The following PDE1C variants were observed in gnomAD, a reference collection of about 807,000 sequenced individuals.
PDE1C encodes dual specificity calcium/calmodulin-dependent 3',5'-cyclic nucleotide phosphodiesterase 1C.
In PDE1C, 62 loss-of-function variants were observed where a neutral mutation model predicts 93.1. That is an observed-to-expected ratio of 0.67 (90% CI 0.54 to 0.82). The LOEUF (loss-of-function observed/expected upper bound fraction) is 0.82, where lower values mean the gene tolerates loss of function less well. PDE1C is among the 40% of genes least tolerant of loss of function. The pLI is 0.00. For synonymous variants in PDE1C, 325 were observed against 310.1 expected (o/e 1.05, Z -0.50); for missense variants, 742 against 884.6 (o/e 0.84, Z 2.04).
chr7:32,389,259 AG>A (rs1185442569), intron 1 of PDE1C, among the ~76,000 whole-genome samples: 1 of 150,758 alleles, frequency 6.6e-6, no homozygotes, highest in Non-Finnish European at 1.5e-5. Context: ...TGTCTCACCC[AG>A]GTTGGAGTAC....
the PDE1C span, chr7:31,643,194 G>C: frequency 3.7e-6 from 6 of 1,613,962 alleles, no homozygotes; most frequent in East Asian, 2.2e-5. Flanking sequence ...CTCAAGACAA[G>C]TTCCTTCATG....
At chr7:32,369,054 A>G (rs553197971) in intron 1 of PDE1C, among the ~76,000 whole-genome samples, 1 of 152,292 alleles carries the variant, frequency 6.6e-6, no homozygotes, top group South Asian at 2.1e-4. Flanking sequence ...AAGAAAACTT[A>G]GGGGGAATGC....
chr7:32,246,053 C>T (rs549543364), intron 1 of PDE1C, among the ~76,000 whole-genome samples: 2 of 149,334 alleles, frequency 1.3e-5, no homozygotes, highest in Admixed American at 6.7e-5. Context: ...ACTGAAGCCT[C>T]GAACTCCTGG....
intron 1 of PDE1C, among the ~76,000 whole-genome samples, chr7:32,218,313 T>C (rs1427743015): frequency 6.6e-6 from 1 of 152,246 alleles, no homozygotes; most frequent in African/African-American, 2.4e-5. Context: ...ATCAGGCACT[T>C]GCACAAAAGA....
intron 1 of PDE1C, among the ~76,000 whole-genome samples, chr7:32,321,290 G>A (rs1001233876): frequency 1.1e-4 from 17 of 152,162 alleles, no homozygotes; most frequent in African/African-American, 3.9e-4. Flanking sequence ...AAAACACAGC[G>A]CAGATGAGTT....
At chr7:31,686,484 TG>T in the PDE1C span, among the ~76,000 whole-genome samples, 1 of 152,236 alleles carries the variant, frequency 6.6e-6, no homozygotes, top group Non-Finnish European at 1.5e-5. Flanking sequence ...CCTATAGAGT[TG>T]GGGGCTGCTT....
In PDE1C at chr7:31,906,008, A is replaced by C. The variant is rs372702732; in HGVS notation, c.129-25148T>G. 1.5e-3 allele frequency among the ~76,000 whole-genome samples: 223 copies of C among 152,196 alleles called. 7 individuals are homozygous for C. The South Asian group carries it at 0.044, about 30-fold the overall frequency. Reference sequence around the variant, plus strand: ...TGCTTCCCCTTCCCCCATGATTGTAAGTTTCCTGGGGCTTCCCCAGCCATG... The same window carrying C: ...TGCTTCCCCTTCCCCCATGATTGTACGTTTCCTGGGGCTTCCCCAGCCATG... On this transcript the variant is annotated intron_variant, in intron 2 of 17. Transcript: ENST00000396191.
At chr7:32,068,963 G>A (rs1023691305) in intron 1 of PDE1C, among the ~76,000 whole-genome samples, 5 of 152,208 alleles carry the variant, frequency 3.3e-5, no homozygotes, top group African/African-American at 1.2e-4. Context: ...ACCACTCCGA[G>A]AGCTGCTGCG....
At chr7:31,859,350 T>C (rs1162962946) in intron 7 of PDE1C, among the ~76,000 whole-genome samples, 4 of 149,380 alleles carry the variant, frequency 2.7e-5, no homozygotes, top group Non-Finnish European at 4.4e-5. Flanking sequence ...AAATAGGACA[T>C]TGGCCATATA....
chr7:32,333,536 A>T (rs1394152877), intron 1 of PDE1C, among the ~76,000 whole-genome samples: 1 of 152,216 alleles, frequency 6.6e-6, no homozygotes, highest in Non-Finnish European at 1.5e-5. Context: ...GCTTAATTAT[A>T]GGAGTCCAAA....
At chr7:32,300,319 A>G (rs1812850510), upstream of PDE1C, among the ~76,000 whole-genome samples, 2 of 152,228 alleles carry the variant, frequency 1.3e-5, no homozygotes, top group African/African-American at 4.8e-5. Flanking sequence ...CCACATTCAC[A>G]TGGTCTGGTT....
chr7:31,694,511 A>G, the PDE1C span, among the ~76,000 whole-genome samples: 3 of 152,182 alleles, frequency 2.0e-5, no homozygotes, highest in South Asian at 6.2e-4. Flanking sequence ...AAATGATAAG[A>G]GTCCATGTTT....
intron 1 of PDE1C, among the ~76,000 whole-genome samples, chr7:32,276,712 G>T (rs1204117878): frequency 1.3e-5 from 2 of 152,114 alleles, no homozygotes; most frequent in Non-Finnish European, 2.9e-5. Flanking sequence ...TATCTCACAG[G>T]GATGTTGTGA....
intron 1 of PDE1C, among the ~76,000 whole-genome samples, chr7:32,060,531 C>G (rs1028379593): frequency 9.9e-5 from 15 of 152,070 alleles, no homozygotes; most frequent in Non-Finnish European, 1.8e-4. Flanking sequence ...AAAATGAGCC[C>G]ATTGTCCAAA....
intron 3 of PDE1C, among the ~76,000 whole-genome samples, chr7:32,152,371 A>G (rs2128791345): frequency 6.6e-6 from 1 of 152,354 alleles, no homozygotes. Context: ...CAGTCCTCAC[A>G]TGAGCAGTGT....
intron 2 of PDE1C, among the ~76,000 whole-genome samples, chr7:32,004,421 C>T (rs1785908081): frequency 6.6e-6 from 1 of 152,304 alleles, no homozygotes; most frequent in Non-Finnish European, 1.5e-5. Flanking sequence ...TACAGGCCAC[C>T]TGGCGTCCAC....
chr7:32,088,812 G>T lies in PDE1C; in HGVS notation c.308+80973C>A, dbSNP rs2128743387. Among the ~76,000 whole-genome samples the T allele has an allele frequency of 1.3e-5, 2 of 152,332 alleles. 1 individual carries two copies. The highest frequency in any genetic ancestry group is 4.1e-4 in the South Asian group (2 of 4,822). On this transcript the variant is annotated intron_variant, in intron 3 of 18. Coordinates refer to the PDE1C transcript ENST00000396193. ...GAGGCTGCAAGGAAATAACCTACGG[G>T]GATGACCAGATGTGACTCATGCTGT...
At chr7:31,628,967 G>A in the PDE1C span, among the ~76,000 whole-genome samples, 4 of 152,024 alleles carry the variant, frequency 2.6e-5, no homozygotes, top group African/African-American at 9.7e-5. Context: ...CATTTGGACT[G>A]GTTATCACTA....
intron 2 of PDE1C, among the ~76,000 whole-genome samples, chr7:32,005,388 C>T (rs1055145113): frequency 1.3e-5 from 2 of 151,572 alleles, no homozygotes; most frequent in Admixed American, 6.6e-5. Context: ...AATCCTGTCT[C>T]TACTAAAAAT....
Sources: gnomAD v4.1 joint callset for allele counts (sites outside exome capture counted in the v4.1 genomes callset) on GRCh38, gnomAD v4.1.1 for gene constraint, MANE v1.5 for transcripts, NCBI Gene and HGNC (gene_info 2026-07-23, HGNC 2026-07-21) for gene names.